The following MRTFA variants were observed in gnomAD, a reference collection of about 807,000 sequenced individuals.
MRTFA encodes myocardin related transcription factor A.
MRTFA carries 20 observed loss-of-function variants against 83.5 expected under a neutral mutation model. The observed-to-expected ratio is 0.24, with a 90% CI of 0.17 to 0.35. MRTFA has a LOEUF of 0.35. Among genes scored for constraint, MRTFA ranks in the 10% least tolerant of loss-of-function variants. The pLI is 1.00. For synonymous variants in MRTFA, 659 were observed against 541.2 expected (o/e 1.22, Z -3.02); for missense variants, 1,200 against 1,224.7 (o/e 0.98, Z 0.30).
rs573672684 is a variant in MRTFA at position 40,558,496 on chromosome 22, A to G, written c.-21-6129T>C. 2.0e-5 allele frequency among the ~76,000 whole-genome samples: 3 copies of G among 151,994 alleles called. No homozygotes were observed. In the East Asian group the frequency reaches 5.8e-4, roughly 29 times the overall value. On this transcript the variant is annotated intron_variant, in intron 2 of 14. Transcript: ENST00000355630. ...CTTCTTCCTACTACTTTGAATTATT[A>G]TTATTGCTGGAATTCAGAGATTTAG...
chr22:40,439,778 G>A (rs539651556), intron 4 of MRTFA, among the ~76,000 whole-genome samples: 2 of 152,218 alleles, frequency 1.3e-5, no homozygotes, highest in South Asian at 4.1e-4. Flanking sequence ...ACAGCCTTTG[G>A]CACTGATACT....
intron 3 of MRTFA, among the ~76,000 whole-genome samples, chr22:40,510,710 GCAAA>G (rs1453598283): frequency 2.0e-5 from 3 of 152,194 alleles, no homozygotes; most frequent in Non-Finnish European, 4.4e-5. Flanking sequence ...TGAAAATGCA[GCAAA>G]CAATCAGTCT....
At chr22:40,414,123 G>C (rs1043921344) in intron 14 of MRTFA, among the ~76,000 whole-genome samples, 1 of 152,194 alleles carries the variant, frequency 6.6e-6, no homozygotes, top group Admixed American at 6.5e-5. Flanking sequence ...CAGACTGCCT[G>C]AGCTCAGGAG....
At chr22:40,549,682 G>A (rs2055416048) in intron 3 of MRTFA, among the ~76,000 whole-genome samples, 1 of 152,150 alleles carries the variant, frequency 6.6e-6, no homozygotes, top group African/African-American at 2.4e-5. Context: ...ATAAGTTGTG[G>A]GTTATTTTGT....
chr22:40,504,685 G>A (rs1006330364), intron 3 of MRTFA, among the ~76,000 whole-genome samples: 4 of 152,218 alleles, frequency 2.6e-5, no homozygotes, highest in African/African-American at 9.6e-5. Context: ...ACTTATGTAA[G>A]TGAGAAACCT....
At chr22:40,486,545 C>A (rs1249768834) in intron 3 of MRTFA, among the ~76,000 whole-genome samples, 1 of 152,142 alleles carries the variant, frequency 6.6e-6, no homozygotes, top group African/African-American at 2.4e-5. Flanking sequence ...TCTTTTCTAA[C>A]CACAAATCTG....
rs2052531439 is a variant in MRTFA at position 40,411,408 on chromosome 22, G to GTGC, written c.3075_3077dup (p.Leu1025_His1026insGln). The GTGC allele has an allele frequency of 6.4e-7, 1 of 1,564,956 alleles. No homozygotes were observed. The highest frequency in any genetic ancestry group is 1.3e-5 in the African/African-American group (1 of 74,178). ...CAGAGAGCTACAAGCAGGAATCCCA[G>GTGC]TGCAGCTGCAAATCATGGCCATCGA... On this transcript the variant is annotated inframe_insertion, in exon 15 of 15. Transcript: ENST00000355630.
At chr22:40,501,817 A>C (rs1602346231) in intron 3 of MRTFA, among the ~76,000 whole-genome samples, 1 of 50,088 alleles carries the variant, frequency 2.0e-5, no homozygotes, top group African/African-American at 1.0e-4. Context: ...TGACCCCCCC[A>C]CCTCCCTCCC....
chr22:40,622,520 A>G (rs1195259173), intron 1 of MRTFA, among the ~76,000 whole-genome samples: 2 of 151,478 alleles, frequency 1.3e-5, no homozygotes, highest in South Asian at 2.1e-4. Flanking sequence ...TCTAAGTCCA[A>G]TCATATGTCC....
At chr22:40,566,847 A>G (rs1005727389) in intron 2 of MRTFA, among the ~76,000 whole-genome samples, 4 of 152,156 alleles carry the variant, frequency 2.6e-5, no homozygotes, top group Admixed American at 2.0e-4. Flanking sequence ...AATAAATAAA[A>G]ATAAATAAAT....
intron 2 of MRTFA, among the ~76,000 whole-genome samples, chr22:40,567,252 CTTGAACT>C (rs1355868942): frequency 2.0e-5 from 3 of 152,174 alleles, no homozygotes; most frequent in Non-Finnish European, 4.4e-5. Context: ...CATTACATTC[CTTGAACT>C]TTATTCATGC....
chr22:40,489,287 C>T (rs2054228935), intron 3 of MRTFA, among the ~76,000 whole-genome samples: 1 of 151,758 alleles, frequency 6.6e-6, no homozygotes, highest in Non-Finnish European at 1.5e-5. Flanking sequence ...TTCTCTTGTG[C>T]AGTTTACAAA....
At chr22:40,631,349 A>C (rs959164372) in intron 1 of MRTFA, among the ~76,000 whole-genome samples, 13 of 152,212 alleles carry the variant, frequency 8.5e-5, no homozygotes, top group South Asian at 2.1e-4. Context: ...AATGACATGC[A>C]TGTAAAGCTG....
At chr22:40,421,359 A>G (rs2052835294) in intron 9 of MRTFA, among the ~76,000 whole-genome samples, 1 of 152,168 alleles carries the variant, frequency 6.6e-6, no homozygotes, top group African/African-American at 2.4e-5. Context: ...AAGCAAAGAC[A>G]TCACCATGAC....
intron 3 of MRTFA, among the ~76,000 whole-genome samples, chr22:40,535,145 G>C (rs184412224): frequency 6.6e-6 from 1 of 152,118 alleles, no homozygotes; most frequent in Non-Finnish European, 1.5e-5. Context: ...CTCTGGGAAA[G>C]CAGAAGCATC....
At chr22:40,449,261 G>A (rs1254720751) in intron 4 of MRTFA, among the ~76,000 whole-genome samples, 5 of 146,286 alleles carry the variant, frequency 3.4e-5, no homozygotes, top group Non-Finnish European at 6.0e-5. Flanking sequence ...AACGAGACTC[G>A]GTCTCCAAAC....
intron 3 of MRTFA, among the ~76,000 whole-genome samples, chr22:40,476,725 T>C (rs1186067106): frequency 6.6e-6 from 1 of 151,962 alleles, no homozygotes; most frequent in Non-Finnish European, 1.5e-5. Flanking sequence ...AGTGCTGGAG[T>C]ACAGATATGA....
intron 2 of MRTFA, among the ~76,000 whole-genome samples, chr22:40,591,103 C>T: frequency 6.6e-6 from 1 of 152,100 alleles, no homozygotes; most frequent in East Asian, 1.9e-4. Flanking sequence ...CCACTGCACT[C>T]CAGCCTGGCG....
intron 2 of MRTFA, among the ~76,000 whole-genome samples, chr22:40,566,698 T>C (rs1217847652): frequency 6.6e-6 from 1 of 152,126 alleles, no homozygotes; most frequent in Non-Finnish European, 1.5e-5. Flanking sequence ...CGGAGCATGG[T>C]GGCGAGTGCC....
Sources: gnomAD v4.1 joint callset for allele counts (sites outside exome capture counted in the v4.1 genomes callset) on GRCh38, gnomAD v4.1.1 for gene constraint, MANE v1.5 for transcripts, NCBI Gene and HGNC (gene_info 2026-07-23, HGNC 2026-07-21) for gene names.